CSMD1: variants seen among roughly 807,000 people sequenced by gnomAD.
CSMD1 encodes CUB and Sushi multiple domains 1.
A neutral mutation model predicts 417.5 loss-of-function variants in CSMD1; 213 were observed. That is an observed-to-expected ratio of 0.51 (90% confidence interval 0.46 to 0.57). CSMD1 has a LOEUF of 0.57. CSMD1 is among the 20% of genes least tolerant of loss of function. The pLI, the probability that CSMD1 is intolerant of heterozygous loss-of-function variation, is 0.00. For synonymous variants in CSMD1, 2,862 were observed against 1,736.8 expected (o/e 1.65, Z -16.11); for missense variants, 6,923 against 4,529.7 (o/e 1.53, Z -15.17).
At chr8:4,198,065 A>G (rs1563259100) in intron 3 of CSMD1, among the ~76,000 whole-genome samples, 3 of 152,218 alleles carry the variant, frequency 2.0e-5, no homozygotes, top group Admixed American at 1.3e-4. Context: ...AGCGATTATC[A>G]AAGCGCAAAG....
At chr8:3,901,512 C>G (rs534517597) in intron 5 of CSMD1, among the ~76,000 whole-genome samples, 1 of 152,290 alleles carries the variant, frequency 6.6e-6, no homozygotes, top group Admixed American at 6.5e-5. Context: ...ACCAAGGGAG[C>G]CACGCTTTGG....
intron 5 of CSMD1, among the ~76,000 whole-genome samples, chr8:3,907,863 CA>C (rs1456399648): frequency 2.0e-5 from 3 of 152,156 alleles, no homozygotes; most frequent in Non-Finnish European, 4.4e-5. Flanking sequence ...GCGGTCCAGG[CA>C]AATAACTTTC....
At chr8:3,765,186 C>G (rs1013409532) in intron 5 of CSMD1, among the ~76,000 whole-genome samples, 1 of 152,134 alleles carries the variant, frequency 6.6e-6, no homozygotes, top group Non-Finnish European at 1.5e-5. Flanking sequence ...TTTCGTGAAC[C>G]TTGTGTTCTG....
At position 2,935,814 on chromosome 8, in the gene CSMD1, G is replaced by A. The variant is rs778625252; in HGVS notation, c.*2771C>T. 2 of 152,072 alleles carry A rather than the reference G, an allele frequency of 1.3e-5. No individual in the cohort carries two copies. The highest frequency in any genetic ancestry group is 3.8e-4 in the East Asian group (2 of 5,202). 9.4% of individuals were successfully genotyped at this position (152,072 alleles called of 1,614,324 possible). On this transcript the variant is annotated 3_prime_UTR_variant, in exon 70 of 70. Transcript: ENST00000635120. ...CCCCTTTTTATAATAGCTTTTTGTT[G>A]TTGTTTACAAAATATTTTACAGAAG...
intron 3 of CSMD1, among the ~76,000 whole-genome samples, chr8:4,317,608 AG>A (rs1799009937): frequency 5.8e-3 from 2 of 342 alleles, no homozygotes; most frequent in African/African-American, 9.6e-3. Context: ...GAGAGGGGAG[AG>A]AGAGAGAAAG....
At chr8:4,787,403 G>T in intron 1 of CSMD1, 1 of 741,544 alleles carries the variant, frequency 1.3e-6, no homozygotes, top group Non-Finnish European at 2.5e-6. Context: ...TCTACGAAAA[G>T]TCCTCCTGCA....
intron 10 of CSMD1, among the ~76,000 whole-genome samples, chr8:3,535,929 CAGG>C (rs1210412106): frequency 6.6e-6 from 1 of 152,128 alleles, no homozygotes; most frequent in Non-Finnish European, 1.5e-5. Context: ...TCAAGGCTAG[CAGG>C]AGAAGCCCCC....
At chr8:4,176,332 C>T (rs527622562) in intron 3 of CSMD1, among the ~76,000 whole-genome samples, 14 of 152,220 alleles carry the variant, frequency 9.2e-5, no homozygotes, top group East Asian at 5.8e-4. Flanking sequence ...TGACGTCAAC[C>T]TTTTAAATTG....
intron 5 of CSMD1, among the ~76,000 whole-genome samples, chr8:3,789,293 C>T (rs1241194201): frequency 6.6e-6 from 1 of 151,924 alleles, no homozygotes; most frequent in East Asian, 1.9e-4. Flanking sequence ...TTCAAGCTTC[C>T]CAGTTTATAT....
At chr8:4,399,157 T>C (rs999341996) in intron 3 of CSMD1, among the ~76,000 whole-genome samples, 1 of 152,198 alleles carries the variant, frequency 6.6e-6, no homozygotes, top group Non-Finnish European at 1.5e-5. Context: ...CTTTGTGTGA[T>C]CAGCATACAG....
intron 2 of CSMD1, among the ~76,000 whole-genome samples, chr8:4,591,174 C>T (rs901836035): frequency 1.7e-4 from 26 of 152,060 alleles, no homozygotes; most frequent in African/African-American, 6.0e-4. Context: ...TTACTGTTTA[C>T]AACATATTAT....
At chr8:3,499,935 G>A (rs530967277) in intron 10 of CSMD1, among the ~76,000 whole-genome samples, 45 of 152,184 alleles carry the variant, frequency 3.0e-4, no homozygotes, top group Non-Finnish European at 3.8e-4. Flanking sequence ...TTCTCTCCCC[G>A]GAGCAAAACA....
chr8:4,793,730 T>C (rs6980956), intron 1 of CSMD1, among the ~76,000 whole-genome samples: 150,484 of 152,038 alleles, frequency 0.99, 74,492 homozygotes, highest in East Asian at 1. Flanking sequence ...ACAGGGGAAA[T>C]GACATTCATT....
intron 5 of CSMD1, among the ~76,000 whole-genome samples, chr8:3,832,474 T>G (rs553494458): frequency 1.3e-5 from 2 of 152,224 alleles, no homozygotes. Flanking sequence ...TTGTTTCTTG[T>G]TCTAAATGTG....
intron 10 of CSMD1, among the ~76,000 whole-genome samples, chr8:3,541,254 T>G (rs753472307): frequency 4.6e-5 from 7 of 152,134 alleles, no homozygotes; most frequent in Non-Finnish European, 1.0e-4. Context: ...CTGGAAGCCA[T>G]TACCCTCAAA....
At chr8:3,759,758 A>AAC (rs778784500) in intron 5 of CSMD1, among the ~76,000 whole-genome samples, 2 of 150,402 alleles carry the variant, frequency 1.3e-5, no homozygotes. Context: ...AAAAAAAAAA[A>AAC]TTAGCCAGAC....
intron 1 of CSMD1, among the ~76,000 whole-genome samples, chr8:4,743,515 G>C (rs988070219): frequency 1.3e-5 from 2 of 152,172 alleles, no homozygotes; most frequent in African/African-American, 4.8e-5. Context: ...CTCCTGCTTT[G>C]AGTTCATGAT....
intron 11 of CSMD1, among the ~76,000 whole-genome samples, chr8:3,481,947 A>G (rs1054512937): frequency 5.3e-5 from 8 of 152,216 alleles, no homozygotes; most frequent in Non-Finnish European, 1.0e-4. Context: ...TTCTATAGTA[A>G]CAGTAGGAAA....
chr8:3,289,670 G>T lies in CSMD1; in HGVS notation c.3951-5324C>A, dbSNP rs1199565502. 2.1e-5 allele frequency among the ~76,000 whole-genome samples: 3 copies of T among 139,838 alleles called. 1 individual carries two copies. Among genetic ancestry groups the T allele is most frequent in the African/African-American group, 6.3e-5 (2 of 31,690 alleles). 91.7% of individuals were successfully genotyped at this position (139,838 alleles called of 152,430 possible). On this transcript the variant is annotated intron_variant, in intron 25 of 69. Coordinates refer to ENST00000635120, the MANE Select transcript of CSMD1 (RefSeq NM_033225.6). ...TATCCTTTGCCCACTTTTTGATGGG[G>T]TTGTTTGTTTTTTTCTTGAAAATTT...
Sources: allele counts gnomAD v4.1 joint callset (sites outside exome capture counted in the v4.1 genomes callset), GRCh38; gene constraint gnomAD v4.1.1; transcripts MANE v1.5; gene names NCBI Gene and HGNC (gene_info 2026-07-23, HGNC 2026-07-21).